The following SCARA5 variants were observed in gnomAD, a reference collection of about 807,000 sequenced individuals.
The protein encoded by SCARA5 is scavenger receptor class A member 5, also known as scavenger receptor class A, member 5 (putative).
A neutral mutation model predicts 46.3 loss-of-function variants in SCARA5; 45 were observed. The observed-to-expected ratio is 0.97, with a 90% CI of 0.76 to 1.24. SCARA5 has a LOEUF of 1.24. Ranked by LOEUF, SCARA5 falls within the 50% of genes most tolerant of loss-of-function variation. SCARA5 has a pLI of 0.00. For missense variants in SCARA5, 680 were observed against 689.0 expected, an observed-to-expected ratio of 0.99 and a Z score of 0.15; for synonymous variants, 333 against 306.5, an observed-to-expected ratio of 1.09 and a Z score of -0.90.
chr8:27,982,278 C>G (rs1053093114), intron 2 of SCARA5, among the ~76,000 whole-genome samples: 2 of 152,078 alleles, frequency 1.3e-5, no homozygotes, highest in Non-Finnish European at 2.9e-5. Flanking sequence ...CCAGCCAGTC[C>G]CCACCCACTC....
chr8:27,907,593 G>A (rs1434399262), intron 5 of SCARA5, among the ~76,000 whole-genome samples: 1 of 41,474 alleles, frequency 2.4e-5, no homozygotes, highest in African/African-American at 8.6e-5. Context: ...TTTTTTTTTT[G>A]AGACAAAGTC....
At chr8:27,988,473 T>A (rs1237170052) in intron 1 of SCARA5, among the ~76,000 whole-genome samples, 2 of 152,226 alleles carry the variant, frequency 1.3e-5, no homozygotes, top group Admixed American at 1.3e-4. Flanking sequence ...TTGTAAGACA[T>A]GCACGCGTAA....
Position 27,905,218 on chromosome 8 carries a change from G to A in SCARA5, c.1097-384C>T, listed in dbSNP as rs149963547. 7.8e-4 allele frequency among the ~76,000 whole-genome samples: 119 copies of A among 152,134 alleles called. 3 individuals carry two copies. The East Asian group carries it at 0.017, about 22-fold the overall frequency. On this transcript the variant is annotated intron_variant, in intron 6 of 8. Transcript: ENST00000354914. ...GCTTTAGTTAAATAGGGGGAGAGGCGGGTTCTATGTTGAGCAGGTTTTCTT... is the reference window on the plus strand; with the variant it reads ...GCTTTAGTTAAATAGGGGGAGAGGCAGGTTCTATGTTGAGCAGGTTTTCTT...
Position 27,879,657 on chromosome 8 carries a change from G to T in SCARA5, c.1263C>A (p.Gly421=). ...DRRWGTVCDD[G]WDKKDGDVVC... Reference sequence around the variant, plus strand: ...CCACGTCTCCGTCCTTCTTGTCCCAGCCGTCGTCACACACGGTGCCCCAAC... The same window carrying T: ...CCACGTCTCCGTCCTTCTTGTCCCATCCGTCGTCACACACGGTGCCCCAAC... Residue 421 remains glycine (G), a synonymous_variant, in exon 8 of 9, where the codon GGC becomes GGA. Transcript: ENST00000354914. 1 of 1,612,858 alleles carries T rather than the reference G, an allele frequency of 6.2e-7. No homozygotes were observed.
At chr8:27,883,971 G>A (rs933654731) in intron 7 of SCARA5, among the ~76,000 whole-genome samples, 3 of 58,988 alleles carry the variant, frequency 5.1e-5, no homozygotes, top group African/African-American at 1.2e-4. Context: ...CATAGGTCCC[G>A]AAGGAGATGG....
intron 3 of SCARA5, among the ~76,000 whole-genome samples, chr8:27,960,065 A>G (rs1449475258): frequency 6.6e-6 from 1 of 152,240 alleles, no homozygotes; most frequent in Non-Finnish European, 1.5e-5. Flanking sequence ...TTCTGTTTAT[A>G]GACAAAGTTA....
rs117549512 is a variant in SCARA5, at chr8:27,927,167, G to A, written c.242-4922C>T. On this transcript the variant is annotated intron_variant, in intron 3 of 8. Transcript: ENST00000354914. ...CCTAGCCCCTCCTTCCCTCTGTGGGGGTCCCTAAGCCCAGCTAGTCCTCTG... is the reference window on the plus strand; with the variant it reads ...CCTAGCCCCTCCTTCCCTCTGTGGGAGTCCCTAAGCCCAGCTAGTCCTCTG... Among the ~76,000 whole-genome samples, 97 of 152,206 alleles carry A rather than the reference G, an allele frequency of 6.4e-4. 1 individual carries two copies. In the East Asian group the frequency reaches 0.018, roughly 28 times the overall value.
intron 3 of SCARA5, among the ~76,000 whole-genome samples, chr8:27,964,994 G>A (rs1054438609): frequency 2.0e-5 from 3 of 152,112 alleles, no homozygotes; most frequent in East Asian, 1.9e-4. Flanking sequence ...CAAGCAGCCC[G>A]AGAACATGTT....
At position 27,921,562 on chromosome 8, in the gene SCARA5, T is replaced by C. The variant is rs1366705824; in HGVS notation, c.916+9A>G. The C allele has an allele frequency of 6.5e-7, 1 of 1,540,428 alleles. No homozygotes were observed. The highest frequency in any genetic ancestry group is 1.8e-5 in the Admixed American group (1 of 54,704). ...GCCGTGGGTGGAGGCAGCAAGGGCCTGGCGGTACCTTTCGCGAGGGAGATG... is the reference window on the plus strand; with the variant it reads ...GCCGTGGGTGGAGGCAGCAAGGGCCCGGCGGTACCTTTCGCGAGGGAGATG... On this transcript the variant is annotated intron_variant, in intron 4 of 8. Transcript: ENST00000354914.
At chr8:27,873,410 T>C (rs1806671685) in intron 8 of SCARA5, among the ~76,000 whole-genome samples, 1 of 152,194 alleles carries the variant, frequency 6.6e-6, no homozygotes, top group African/African-American at 2.4e-5. Context: ...TGCAAACATG[T>C]ATGTCCAGCT....
intron 2 of SCARA5, 43 bp downstream of exon 2, chr8:27,987,461 C>T (rs1405330203): frequency 7.0e-7 from 1 of 1,425,598 alleles, no homozygotes; most frequent in African/African-American, 1.4e-5. Context: ...TCCCCACCCC[C>T]AGGCCAGATC....
chr8:27,944,734 G>T (rs1490416933), intron 3 of SCARA5, among the ~76,000 whole-genome samples: 1 of 151,960 alleles, frequency 6.6e-6, no homozygotes, highest in African/African-American at 2.4e-5. Flanking sequence ...GCTGGGCATG[G>T]TGGCAGTTGC....
chr8:27,877,161 C>T (rs1806738262), intron 8 of SCARA5, among the ~76,000 whole-genome samples: 1 of 152,090 alleles, frequency 6.6e-6, no homozygotes, highest in African/African-American at 2.4e-5. Context: ...GCAGCCTGGG[C>T]TGGCAGAAAG....
chr8:27,937,818 C>T (rs1399737879), intron 3 of SCARA5, among the ~76,000 whole-genome samples: 1 of 152,168 alleles, frequency 6.6e-6, no homozygotes, highest in Non-Finnish European at 1.5e-5. Context: ...CTGGCATTTT[C>T]CTGTGTGTCC....
intron 4 of SCARA5, among the ~76,000 whole-genome samples, chr8:27,920,253 T>C (rs1024879623): frequency 3.9e-5 from 6 of 152,108 alleles, no homozygotes; most frequent in Non-Finnish European, 8.8e-5. Context: ...GGAGGATCAC[T>C]TGAGGCCAGA....
intron 4 of SCARA5, among the ~76,000 whole-genome samples, chr8:27,914,430 C>A (rs760770661): frequency 6.6e-6 from 1 of 152,196 alleles, no homozygotes; most frequent in Non-Finnish European, 1.5e-5. Context: ...TGGGAGCACC[C>A]GGAGCCTGGT....
chr8:27,908,114 T>C (rs1807298897), intron 5 of SCARA5, among the ~76,000 whole-genome samples: 1 of 138,560 alleles, frequency 7.2e-6, no homozygotes, highest in African/African-American at 2.6e-5. Flanking sequence ...TCAGCATCGC[T>C]TCATGCTGAT....
At position 27,922,014 on chromosome 8, in the gene SCARA5, G is replaced by T. The variant is rs776277770; in HGVS notation, c.473C>A (p.Ala158Glu). ...CGCCTGCTCGGTCTGCACCGCCTGC[G>T]CCTGCAGCCCCCACAGCGCGCCCTC... is the stretch of plus-strand genomic sequence containing the variant. Reference protein sequence around the residue: ...RLEGALWGLQAQAVQTEQAVA... With the variant: ...RLEGALWGLQEQAVQTEQAVA... Residue 158 changes from alanine to glutamate, a missense_variant, in exon 4 of 9, where the codon GCG (alanine) becomes GAG (glutamate). Coordinates refer to ENST00000354914, the MANE Select transcript of SCARA5 (RefSeq NM_173833.6). 3 of 1,568,830 alleles carry T rather than the reference G, an allele frequency of 1.9e-6. No homozygotes were observed. Among genetic ancestry groups the T allele is most frequent in the Non-Finnish European group, 1.7e-6 (2 of 1,164,782 alleles).
chr8:27,961,962 G>C (rs1808300109), intron 3 of SCARA5, among the ~76,000 whole-genome samples: 1 of 152,048 alleles, frequency 6.6e-6, no homozygotes, highest in African/African-American at 2.4e-5. Context: ...GAATCAAGTA[G>C]AATAGGCAGA....
Sources: gnomAD v4.1 joint callset for allele counts (sites outside exome capture counted in the v4.1 genomes callset) on GRCh38, gnomAD v4.1.1 for gene constraint, MANE v1.5 for transcripts, NCBI Gene and HGNC (gene_info 2026-07-23, HGNC 2026-07-21) for gene names.